Variants in PDE4D observed in about 807,000 individuals in gnomAD.
PDE4D encodes 3',5'-cyclic-AMP phosphodiesterase 4D.
PDE4D carries 24 observed loss-of-function variants against 87.4 expected under a neutral mutation model. The observed-to-expected ratio is 0.27, with a 90% CI of 0.20 to 0.39. The LOEUF is 0.39. PDE4D is among the 10% of genes least tolerant of loss of function. The pLI is 1.00. For missense variants in PDE4D, 714 were observed against 1,041.0 expected, an observed-to-expected ratio of 0.69 and a Z score of 4.32; for synonymous variants, 384 against 383.2, an observed-to-expected ratio of 1.00 and a Z score of -0.02.
intron 1 of PDE4D, among the ~76,000 whole-genome samples, chr5:59,452,641 C>T (rs1799338402): frequency 6.6e-6 from 1 of 152,160 alleles, no homozygotes; most frequent in African/African-American, 2.4e-5. Flanking sequence ...TCCACCAGTG[C>T]CTCCAATGTG....
chr5:59,194,848 T>C (rs1561675126), intron 2 of PDE4D, among the ~76,000 whole-genome samples: 1 of 152,160 alleles, frequency 6.6e-6, no homozygotes, highest in Non-Finnish European at 1.5e-5. Context: ...TTGAAAAAGG[T>C]ATTTTCCCAT....
intron 3 of PDE4D, among the ~76,000 whole-genome samples, chr5:59,951,079 G>A (rs78381784): frequency 3.9e-4 from 60 of 152,098 alleles, no homozygotes; most frequent in African/African-American, 1.2e-3. Context: ...ACAAACCTGC[G>A]TAAGAAAGAT....
intron 5 of PDE4D, among the ~76,000 whole-genome samples, chr5:59,071,678 C>CTTT (rs1764829339): frequency 1.0e-5 from 1 of 100,296 alleles, no homozygotes; most frequent in Non-Finnish European, 2.0e-5. Context: ...TTTTTTATTT[C>CTTT]TCTTCTTTTT....
intron 1 of PDE4D, among the ~76,000 whole-genome samples, chr5:60,263,747 A>T (rs1749887964): frequency 6.6e-6 from 1 of 152,186 alleles, no homozygotes; most frequent in South Asian, 2.1e-4. Flanking sequence ...CAAAAAATCA[A>T]GCAATGAAAA....
chr5:59,824,679 A>C (rs987762682), intron 1 of PDE4D, among the ~76,000 whole-genome samples: 3 of 152,194 alleles, frequency 2.0e-5, no homozygotes, highest in African/African-American at 7.2e-5. Context: ...ATTTGGCGGG[A>C]AAGTCCCAGT....
intron 5 of PDE4D, among the ~76,000 whole-genome samples, chr5:59,146,765 T>C (rs1401159670): frequency 6.6e-6 from 1 of 151,766 alleles, no homozygotes; most frequent in Non-Finnish European, 1.5e-5. Context: ...CTTTATTTCC[T>C]GAGAAAAAAA....
chr5:59,245,615 C>G (rs561257919), intron 1 of PDE4D, among the ~76,000 whole-genome samples: 1 of 152,014 alleles, frequency 6.6e-6, no homozygotes, highest in South Asian at 2.1e-4. Flanking sequence ...GCTGTCAAAC[C>G]CAGCCTCATA....
At chr5:60,079,624 G>T (rs1773710217) in intron 2 of PDE4D, among the ~76,000 whole-genome samples, 1 of 152,118 alleles carries the variant, frequency 6.6e-6, no homozygotes, top group Non-Finnish European at 1.5e-5. Context: ...ACCATTTACT[G>T]AATAAGAGAT....
chr5:59,099,633 T>A (rs2153432831), intron 5 of PDE4D, among the ~76,000 whole-genome samples: 1 of 152,336 alleles, frequency 6.6e-6, no homozygotes, highest in Non-Finnish European at 1.5e-5. Flanking sequence ...GTACTTGAAC[T>A]TCATGAGTGA....
intron 1 of PDE4D, among the ~76,000 whole-genome samples, chr5:59,558,217 G>A (rs1024231559): frequency 6.6e-6 from 1 of 152,008 alleles, no homozygotes; most frequent in Admixed American, 6.6e-5. Context: ...CCAGTCGAAG[G>A]GATATGAATA....
At chr5:59,256,557 A>C (rs1313553549) in intron 1 of PDE4D, among the ~76,000 whole-genome samples, 3 of 152,114 alleles carry the variant, frequency 2.0e-5, no homozygotes, top group Non-Finnish European at 4.4e-5. Context: ...TTGTCAAAAA[A>C]AATTGGAAAG....
At chr5:59,216,318 C>A (rs945920634) in intron 1 of PDE4D, among the ~76,000 whole-genome samples, 1 of 152,074 alleles carries the variant, frequency 6.6e-6, no homozygotes, top group African/African-American at 2.4e-5. Context: ...TATTTGAATT[C>A]GATTCAACAA....
At chr5:60,246,879 T>C (rs965925638) in intron 1 of PDE4D, among the ~76,000 whole-genome samples, 1 of 151,996 alleles carries the variant, frequency 6.6e-6, no homozygotes, top group African/African-American at 2.4e-5. Context: ...ATCTTTCTCC[T>C]AAGAAGTTTG....
chr5:59,576,157 A>C (rs1342751628), intron 1 of PDE4D, among the ~76,000 whole-genome samples: 2 of 152,134 alleles, frequency 1.3e-5, no homozygotes, highest in Non-Finnish European at 2.9e-5. Context: ...TGTTCTAAGC[A>C]CTAGACTGGT....
intron 2 of PDE4D, among the ~76,000 whole-genome samples, chr5:60,088,302 C>CA (rs1774750579): frequency 6.6e-6 from 1 of 150,434 alleles, no homozygotes; most frequent in East Asian, 2.0e-4. Flanking sequence ...GTGTAAAAAA[C>CA]AAAAAACAAA....
chr5:59,159,727 G>T (rs1396201015), intron 5 of PDE4D, among the ~76,000 whole-genome samples: 6 of 152,118 alleles, frequency 3.9e-5, no homozygotes, highest in Non-Finnish European at 7.4e-5. Flanking sequence ...GAAATGAATT[G>T]CCCTCAACCT....
intron 1 of PDE4D, among the ~76,000 whole-genome samples, chr5:59,807,318 G>A (rs1191364571): frequency 3.3e-5 from 5 of 152,176 alleles, no homozygotes; most frequent in East Asian, 3.9e-4. Flanking sequence ...CTTTTAGACC[G>A]TGACCTGGGA....
At chr5:59,916,677 T>C (rs969004980) in intron 3 of PDE4D, among the ~76,000 whole-genome samples, 1 of 152,222 alleles carries the variant, frequency 6.6e-6, no homozygotes, top group Admixed American at 6.5e-5. Flanking sequence ...GTTTGAAATA[T>C]TTTTTAAGAG....
At chr5:59,877,816 C>CA (rs11375742) in intron 1 of PDE4D, among the ~76,000 whole-genome samples, 3,933 of 150,624 alleles carry the variant, frequency 0.026, 164 homozygotes, top group African/African-American at 0.091. Context: ...AAGATTCTGC[C>CA]AAAAAAAAGA....
Sources: gnomAD v4.1 joint callset for allele counts (sites outside exome capture counted in the v4.1 genomes callset) on GRCh38, gnomAD v4.1.1 for gene constraint, MANE v1.5 for transcripts, NCBI Gene and HGNC (gene_info 2026-07-23, HGNC 2026-07-21) for gene names.